INPP4B: variants seen among roughly 807,000 people sequenced by gnomAD.
The protein encoded by INPP4B is inositol polyphosphate-4-phosphatase type II B, also known as inositol polyphosphate 4-phosphatase type II.
Under a neutral mutation model 122.5 loss-of-function variants are expected in INPP4B, and 55 were observed. The ratio of observed to expected loss-of-function variants is 0.45; its 90% confidence interval spans 0.36 to 0.56. The LOEUF is 0.56. Ranked by LOEUF, INPP4B falls within the 20% of genes least tolerant of loss-of-function variation. The pLI is 0.00. For synonymous variants in INPP4B, 403 were observed against 388.7 expected, an observed-to-expected ratio of 1.04 and a Z score of -0.43; for missense variants, 1,000 against 1,097.7, an observed-to-expected ratio of 0.91 and a Z score of 1.26.
intron 1 of INPP4B, among the ~76,000 whole-genome samples, chr4:142,782,860 G>A (rs997138266): frequency 2.2e-4 from 34 of 152,166 alleles, no homozygotes; most frequent in South Asian, 8.3e-4. Flanking sequence ...AAATAACGCC[G>A]CATATCTACA....
chr4:142,183,842 T>A (rs1261781437), intron 15 of INPP4B, among the ~76,000 whole-genome samples: 1 of 152,090 alleles, frequency 6.6e-6, no homozygotes, highest in African/African-American at 2.4e-5. Context: ...ACAGACAAAA[T>A]GTATTTTTTC....
intron 9 of INPP4B, among the ~76,000 whole-genome samples, chr4:142,304,990 T>C (rs902203749): frequency 6.6e-6 from 1 of 152,180 alleles, no homozygotes; most frequent in Non-Finnish European, 1.5e-5. Flanking sequence ...GTGTTTTAAC[T>C]GATAAGTGTT....
At chr4:142,062,330 TCA>T (rs1193380287) in intron 25 of INPP4B, among the ~76,000 whole-genome samples, 4 of 151,642 alleles carry the variant, frequency 2.6e-5, no homozygotes, top group Non-Finnish European at 2.9e-5. Context: ...CCAGGGAGAA[TCA>T]CAGAGCTTTC....
intron 23 of INPP4B, among the ~76,000 whole-genome samples, chr4:142,095,619 G>A (rs905416507): frequency 1.3e-5 from 2 of 152,046 alleles, no homozygotes; most frequent in African/African-American, 2.4e-5. Context: ...TCACCTATAG[G>A]AGCATTCCAG....
chr4:142,284,949 CG>C (rs1050641722), intron 9 of INPP4B, among the ~76,000 whole-genome samples: 12 of 151,860 alleles, frequency 7.9e-5, no homozygotes, highest in Admixed American at 6.6e-4. Context: ...AACAGGATAG[CG>C]GGGCACAGGA....
At chr4:142,651,198 A>C (rs1752892316) in intron 2 of INPP4B, among the ~76,000 whole-genome samples, 1 of 152,198 alleles carries the variant, frequency 6.6e-6, no homozygotes, top group Non-Finnish European at 1.5e-5. Flanking sequence ...ATGTACCAGA[A>C]TCTCTGGGAC....
At position 142,104,928 on chromosome 4, in the gene INPP4B, TTTC is replaced by T. The variant is rs536335811; in HGVS notation, c.2374+3162_2374+3164del. 7.2e-5 allele frequency among the ~76,000 whole-genome samples: 11 copies of T among 152,264 alleles called. No individual in the cohort carries two copies. In the South Asian group the frequency reaches 1.9e-3, roughly 26 times the overall value. Reference sequence around the variant, plus strand: ...TATTTATTTTTATTTTTTTCAAATATTTCTTATCTGGGGTTGATTGAATCTGCC... The same window carrying T: ...TATTTATTTTTATTTTTTTCAAATATTTATCTGGGGTTGATTGAATCTGCC... On this transcript the variant is annotated intron_variant, in intron 23 of 25. Coordinates refer to ENST00000262992, the MANE Select transcript of INPP4B (RefSeq NM_001101669.3).
In INPP4B at chr4:142,160,472, C is replaced by G. The variant is rs2152905616; in HGVS notation, c.1449G>C (p.Lys483Asn). 1 of 1,612,718 alleles carries G rather than the reference C, an allele frequency of 6.2e-7. No individual in the cohort carries two copies. The highest frequency in any genetic ancestry group is 2.2e-5 in the East Asian group (1 of 44,828). The change falls in exon 17 of 26, where the codon AAG becomes AAC. Residue 483 changes from lysine to asparagine, a missense_variant. Coordinates refer to ENST00000262992, the MANE Select transcript of INPP4B (RefSeq NM_001101669.3). Reference protein sequence around the residue: ...LYTARPGGILKKPPSPKSSTE... With the variant: ...LYTARPGGILNKPPSPKSSTE... The stretch of plus-strand genomic sequence containing the variant: ...TGCTGCTCTTAGGAGAGGGTGGCTT[C>G]TTAAGAATGCCTCCTGGCCTTGCAG...
At chr4:142,687,559 CA>C (rs3080815) in intron 2 of INPP4B, among the ~76,000 whole-genome samples, 6,873 of 100,410 alleles carry the variant, frequency 0.068, 172 homozygotes, top group African/African-American at 0.11. Context: ...ATCCTTCCTC[CA>C]AAAAAAAAAA....
chr4:142,554,119 G>A (rs1728575380), intron 2 of INPP4B, among the ~76,000 whole-genome samples: 2 of 150,480 alleles, frequency 1.3e-5, no homozygotes, highest in Non-Finnish European at 3.0e-5. Flanking sequence ...AATCCTGAAG[G>A]AGGAGGTTGC....
At chr4:142,183,124 G>A (rs1831625439) in intron 15 of INPP4B, among the ~76,000 whole-genome samples, 1 of 152,104 alleles carries the variant, frequency 6.6e-6, no homozygotes, top group Non-Finnish European at 1.5e-5. Flanking sequence ...ATAAGCCAAG[G>A]GGCAGTGAAT....
intron 9 of INPP4B, among the ~76,000 whole-genome samples, chr4:142,271,605 C>G (rs1745881024): frequency 6.6e-6 from 1 of 152,124 alleles, no homozygotes; most frequent in Non-Finnish European, 1.5e-5. Context: ...AAGATTCTCT[C>G]CTAGCAAACA....
rs1578653139 is a variant in INPP4B at position 142,026,570 on chromosome 4, G to T, written c.*2212C>A. ...CAACCTCCGCCTCCGGGGTTCAAGC[G>T]ATTCTCTTGCCTCAGCCTCCCAAGT... On this transcript the variant is annotated 3_prime_UTR_variant, in exon 26 of 26. Coordinates refer to ENST00000262992, the MANE Select transcript of INPP4B (RefSeq NM_001101669.3). 1 of 152,604 alleles carries T rather than the reference G, an allele frequency of 6.6e-6. No individual in the cohort carries two copies. Among genetic ancestry groups the T allele is most frequent in the Non-Finnish European group, 1.5e-5 (1 of 68,266 alleles). The allele number at this position is 152,604 out of a possible 1,614,324, so 9.5% of individuals were successfully genotyped here.
chr4:142,819,335 T>A (rs559065597), intron 1 of INPP4B, among the ~76,000 whole-genome samples: 4 of 152,110 alleles, frequency 2.6e-5, no homozygotes, highest in Admixed American at 1.3e-4. Context: ...AGAAGTTTCA[T>A]CCATTTCCAA....
At chr4:142,641,576 A>T (rs747059299) in intron 2 of INPP4B, among the ~76,000 whole-genome samples, 2 of 152,084 alleles carry the variant, frequency 1.3e-5, no homozygotes, top group Non-Finnish European at 2.9e-5. Context: ...ATCTTCATTC[A>T]TGTCCCTACA....
intron 23 of INPP4B, among the ~76,000 whole-genome samples, chr4:142,090,117 T>G (rs1778795439): frequency 6.6e-6 from 1 of 152,126 alleles, no homozygotes; most frequent in Non-Finnish European, 1.5e-5. Flanking sequence ...CATGGAAATG[T>G]TTTAATAAGC....
chr4:142,625,345 A>G (rs1002228082), intron 2 of INPP4B, among the ~76,000 whole-genome samples: 2 of 152,138 alleles, frequency 1.3e-5, no homozygotes, highest in Non-Finnish European at 2.9e-5. Flanking sequence ...ATAACAGACA[A>G]AGAGAGAGTC....
chr4:142,545,543 C>T (rs996718098), intron 2 of INPP4B, among the ~76,000 whole-genome samples: 2 of 151,878 alleles, frequency 1.3e-5, no homozygotes, highest in African/African-American at 4.8e-5. Flanking sequence ...TAAATTTTTA[C>T]CAAAAAGGTA....
At chr4:142,537,737 ATGAG>A (rs777310450) in intron 2 of INPP4B, among the ~76,000 whole-genome samples, 1 of 81,110 alleles carries the variant, frequency 1.2e-5, no homozygotes, top group Non-Finnish European at 2.8e-5. Context: ...GTATGTGTAT[ATGAG>A]TGTGTGTGTG....
Sources: allele counts gnomAD v4.1 joint callset (sites outside exome capture counted in the v4.1 genomes callset), GRCh38; gene constraint gnomAD v4.1.1; transcripts MANE v1.5; gene names NCBI Gene and HGNC (gene_info 2026-07-23, HGNC 2026-07-21).